The following SDK1 variants were observed in gnomAD, a reference collection of about 807,000 sequenced individuals.
SDK1 encodes the protein sidekick cell adhesion molecule 1.
Under a neutral mutation model 245.5 loss-of-function variants are expected in SDK1, and 157 were observed. The observed-to-expected ratio is 0.64, with a 90% CI of 0.56 to 0.73. The LOEUF is 0.73. SDK1 is among the 30% of genes least tolerant of loss of function. The probability of loss-of-function intolerance (pLI) is 0.00; values close to 1 mark genes in which losing one functional copy is unlikely to be tolerated. For synonymous variants in SDK1, 1,647 were observed against 1,278.5 expected (o/e 1.29, Z -6.15); for missense variants, 3,583 against 3,002.3 (o/e 1.19, Z -4.52).
chr7:4,189,349 G>A (rs1267822879), intron 35 of SDK1, among the ~76,000 whole-genome samples: 7 of 152,158 alleles, frequency 4.6e-5, no homozygotes, highest in Non-Finnish European at 8.8e-5. Flanking sequence ...GGCTCACATG[G>A]TTACTCAGGC....
intron 1 of SDK1, among the ~76,000 whole-genome samples, chr7:3,603,622 C>T (rs1386411728): frequency 6.6e-6 from 1 of 152,158 alleles, no homozygotes; most frequent in African/African-American, 2.4e-5. Context: ...ATCATGTCGT[C>T]TGCAAACAGG....
intron 1 of SDK1, among the ~76,000 whole-genome samples, chr7:3,532,790 A>G (rs1417015839): frequency 1.3e-5 from 2 of 152,194 alleles, no homozygotes; most frequent in Admixed American, 6.5e-5. Context: ...TGTCTAGTTT[A>G]CAGCCTATGC....
chr7:3,916,157 G>A (rs1412325621), intron 5 of SDK1, among the ~76,000 whole-genome samples: 2 of 152,228 alleles, frequency 1.3e-5, no homozygotes, highest in Non-Finnish European at 2.9e-5. Flanking sequence ...GGGTGGGAAA[G>A]AGGGAGGGAG....
At chr7:3,777,205 C>T (rs533227481) in intron 4 of SDK1, among the ~76,000 whole-genome samples, 8 of 152,206 alleles carry the variant, frequency 5.3e-5, no homozygotes, top group African/African-American at 1.9e-4. Context: ...AATGTATGCT[C>T]TAACTGCAGA....
intron 28 of SDK1, among the ~76,000 whole-genome samples, chr7:4,140,090 G>A (rs1206416577): frequency 1.3e-5 from 2 of 151,962 alleles, no homozygotes; most frequent in Non-Finnish European, 1.5e-5. Context: ...CCACCTCCCT[G>A]GGAGCACACA....
At chr7:3,763,543 T>A (rs1780165975) in intron 4 of SDK1, among the ~76,000 whole-genome samples, 1 of 152,230 alleles carries the variant, frequency 6.6e-6, no homozygotes, top group Non-Finnish European at 1.5e-5. Context: ...ACGTTGCCCC[T>A]AAACACTTCA....
chr7:3,915,220 T>C (rs1417965974), intron 5 of SDK1, among the ~76,000 whole-genome samples: 1 of 152,124 alleles, frequency 6.6e-6, no homozygotes, highest in East Asian at 1.9e-4. Context: ...TGCCCCATTC[T>C]CTCCAGCTCA....
At chr7:3,479,421 CAAAAA>C (rs56094646) in intron 1 of SDK1, among the ~76,000 whole-genome samples, 4 of 66,576 alleles carry the variant, frequency 6.0e-5, no homozygotes, top group Non-Finnish European at 8.0e-5. Context: ...GACTGTGTCT[CAAAAA>C]AAAAAAAAAA....
chr7:3,321,831 C>CCTTCCTTCCTTCCTT (rs1779821120), intron 1 of SDK1, among the ~76,000 whole-genome samples: 2 of 98,040 alleles, frequency 2.0e-5, no homozygotes, highest in African/African-American at 4.2e-5. Context: ...CTTCCTTCCT[C>CCTTCCTTCCTTCCTT]CTTTTCTCTC....
intron 5 of SDK1, among the ~76,000 whole-genome samples, chr7:3,864,636 T>C (rs1215946536): frequency 6.6e-6 from 1 of 152,080 alleles, no homozygotes; most frequent in Non-Finnish European, 1.5e-5. Flanking sequence ...CAGCTGACCT[T>C]GGCCGTCCAG....
In SDK1 at chr7:4,266,416, C is replaced by T. The variant is rs923195514; in HGVS notation, c.*1032C>T. The T allele has an allele frequency of 6.6e-5, 65 of 985,186 alleles. No homozygotes were observed. Among genetic ancestry groups the T allele is most frequent in the East Asian group, 2.3e-4 (2 of 8,806 alleles). 61.0% of individuals were successfully genotyped at this position (985,186 alleles called of 1,614,324 possible). A position where few individuals can be genotyped will look rare whatever the true frequency, so the allele number is the denominator to read the frequency against. On this transcript the variant is annotated 3_prime_UTR_variant, in exon 45 of 45. Transcript: ENST00000404826. ...AAACAGCTCTGAGAACACACGCTCC[C>T]GACTCGCCTCGTGCACACCAGGCCG...
rs376773866 is a variant in SDK1 at position 4,241,742 on chromosome 7, C to T, written c.6131-51C>T. 1.6e-5 allele frequency: 25 copies of T among 1,608,836 alleles called. No homozygotes were observed. In the East Asian group the frequency reaches 2.0e-4, roughly 13 times the overall value. On this transcript the variant is annotated intron_variant, in intron 42 of 44. Transcript: ENST00000404826. ...GGCCAGCTCTGGCTTGGCGTGGCTG[C>T]GGTGGCCACACCAGTAACACGTCTG...
intron 1 of SDK1, among the ~76,000 whole-genome samples, chr7:3,316,191 C>A (rs187856921): frequency 1.2e-3 from 186 of 152,230 alleles, no homozygotes; most frequent in African/African-American, 4.3e-3. Context: ...ACTTTCAGTA[C>A]AGCCATGTAC....
chr7:3,383,377 C>T (rs1312914112), intron 1 of SDK1, among the ~76,000 whole-genome samples: 1 of 152,122 alleles, frequency 6.6e-6, no homozygotes, highest in Non-Finnish European at 1.5e-5. Flanking sequence ...TGCCACTGCA[C>T]TCCAGCCTGG....
intron 1 of SDK1, among the ~76,000 whole-genome samples, chr7:3,453,655 G>C (rs144944938): frequency 2.1e-4 from 32 of 152,302 alleles, no homozygotes; most frequent in Non-Finnish European, 3.5e-4. Flanking sequence ...TCCAGAGGGA[G>C]AGCAGCCTGG....
intron 1 of SDK1, among the ~76,000 whole-genome samples, chr7:3,347,279 C>T (rs1332059810): frequency 2.0e-5 from 3 of 151,974 alleles, no homozygotes; most frequent in African/African-American, 7.3e-5. Context: ...TGGCACATAT[C>T]TTCTTATACT....
intron 4 of SDK1, among the ~76,000 whole-genome samples, chr7:3,685,764 C>T (rs1056708287): frequency 1.3e-5 from 2 of 151,858 alleles, no homozygotes; most frequent in Non-Finnish European, 2.9e-5. Flanking sequence ...AGAAAACTAT[C>T]CAAAATGAGA....
intron 1 of SDK1, among the ~76,000 whole-genome samples, chr7:3,477,902 A>T (rs1290464610): frequency 6.6e-6 from 1 of 152,122 alleles, no homozygotes; most frequent in Non-Finnish European, 1.5e-5. Context: ...TGTTCGTTTC[A>T]CAGGTGTTTG....
In SDK1 at chr7:4,129,610, G is replaced by A. The variant is rs1191631135; in HGVS notation, c.3940-298G>A. 3.4e-6 allele frequency: 4 copies of A among 1,189,498 alleles called. No individual in the cohort carries two copies. In the Admixed American group the frequency reaches 1.2e-4, roughly 34 times the overall value. 73.7% of individuals were successfully genotyped at this position (1,189,498 alleles called of 1,614,324 possible). A position where few individuals can be genotyped will look rare whatever the true frequency, so the allele number is the denominator to read the frequency against. On this transcript the variant is annotated intron_variant, in intron 26 of 44. Coordinates refer to ENST00000404826, the MANE Select transcript of SDK1 (RefSeq NM_152744.4). ...TCATAATCGAGTCTTTGTTTTAGTG[G>A]CTGTGGTTGGCATGGCTGCAGTTGG... is the stretch of plus-strand genomic sequence containing the variant.
Sources: allele counts gnomAD v4.1 joint callset (sites outside exome capture counted in the v4.1 genomes callset), GRCh38; gene constraint gnomAD v4.1.1; transcripts MANE v1.5; gene names NCBI Gene and HGNC (gene_info 2026-07-23, HGNC 2026-07-21).